SYTL2: variants seen among roughly 807,000 people sequenced by gnomAD.
SYTL2 encodes the protein synaptotagmin-like protein 2.
Under a neutral mutation model 198.7 loss-of-function variants are expected in SYTL2, and 165 were observed. The ratio of observed to expected loss-of-function variants is 0.83; its 90% CI spans 0.73 to 0.94. The LOEUF (loss-of-function observed/expected upper bound fraction) is 0.94. SYTL2 is among the 40% of genes least tolerant of loss of function. The pLI is 0.00. For missense variants in SYTL2, 2,835 were observed against 2,582.8 expected (o/e 1.10, Z -2.12); for synonymous variants, 966 against 917.7 (o/e 1.05, Z -0.95).
At chr11:85,748,509 A>G (rs1360485928) in intron 2 of SYTL2, 86 bp from the exon 3 acceptor site, 1 of 1,372,532 alleles carries the variant, frequency 7.3e-7, no homozygotes, top group Non-Finnish European at 1.0e-6. Flanking sequence ...ACATGTGTAA[A>G]CACACAGATA....
chr11:85,846,126 G>A, the SYTL2 span, among the ~76,000 whole-genome samples: 2 of 152,038 alleles, frequency 1.3e-5, no homozygotes, highest in Non-Finnish European at 2.9e-5. Context: ...TATAAGGTGG[G>A]GTCAGCTAGA....
intron 1 of SYTL2, among the ~76,000 whole-genome samples, chr11:85,763,090 T>A (rs2092143111): frequency 6.6e-6 from 1 of 152,218 alleles, no homozygotes. Flanking sequence ...TTTCACATCA[T>A]TCTGTGGTTT....
intron 9 of SYTL2, chr11:85,719,442 A>G (rs570060856): frequency 6.3e-5 from 30 of 475,062 alleles, no homozygotes; most frequent in African/African-American, 5.5e-4. Context: ...TTAAAGCTGC[A>G]CCATGGAAAT....
intron 5 of SYTL2, 120 bp from the exon 6 acceptor site, chr11:85,736,735 T>G: frequency 1.5e-6 from 1 of 646,110 alleles, no homozygotes; most frequent in Non-Finnish European, 2.7e-6. Context: ...TTATTTGGCA[T>G]GTTTGAAAAA....
intron 1 of SYTL2, among the ~76,000 whole-genome samples, chr11:85,785,924 A>G (rs2092628516): frequency 6.6e-6 from 1 of 152,214 alleles, no homozygotes; most frequent in Non-Finnish European, 1.5e-5. Context: ...AGACCTGACT[A>G]TGTTACATAA....
At chr11:85,732,703 T>G (rs2089936551) in intron 7 of SYTL2, among the ~76,000 whole-genome samples, 1 of 152,162 alleles carries the variant, frequency 6.6e-6, no homozygotes, top group South Asian at 2.1e-4. Context: ...GTAACAAACC[T>G]GCACGTTCTT....
intron 12 of SYTL2, among the ~76,000 whole-genome samples, chr11:85,713,921 T>C (rs550139594): frequency 4.6e-5 from 7 of 152,268 alleles, no homozygotes; most frequent in Non-Finnish European, 8.8e-5. Context: ...CTGTAATGTG[T>C]GGGGATAATG....
chr11:85,807,425 G>A (rs2092972585), intron 1 of SYTL2, among the ~76,000 whole-genome samples: 2 of 152,150 alleles, frequency 1.3e-5, no homozygotes, highest in Admixed American at 1.3e-4. Flanking sequence ...ATACACACAT[G>A]CATGCAATCC....
At position 85,725,696 on chromosome 11, in the gene SYTL2, G is replaced by A; in HGVS notation, c.3662C>T (p.Thr1221Ile). ...ASLDKLLKEATGTSPSPLQAK... is the reference protein window; with the variant it reads ...ASLDKLLKEAIGTSPSPLQAK... ...TTGCAAGGGAGAGGGTGAAGTTCCA[G>A]TTGCTTCCTTCAGGAGTTTGTCTAG... is the stretch of plus-strand genomic sequence containing the variant. Residue 1221 changes from threonine (T) to isoleucine (I), a missense_variant, in exon 8 of 20, where the codon ACT (threonine) becomes ATT (isoleucine). Thr to Ile is a moderately conservative substitution (Grantham distance 89). Coordinates refer to ENST00000359152, the MANE Select transcript of SYTL2 (RefSeq NM_206927.4). 6.2e-7 allele frequency: 1 copy of A among 1,614,042 alleles called. No homozygotes were observed. Among genetic ancestry groups the A allele is most frequent in the Non-Finnish European group, 8.5e-7 (1 of 1,180,006 alleles).
intron 3 of SYTL2, among the ~76,000 whole-genome samples, chr11:85,747,228 G>A (rs1481588025): frequency 6.6e-6 from 1 of 151,698 alleles, no homozygotes; most frequent in Non-Finnish European, 1.5e-5. Flanking sequence ...GGTGAGGCAG[G>A]AAGATTGCTT....
chr11:85,722,544 T>C (rs573550491), intron 8 of SYTL2, among the ~76,000 whole-genome samples: 3 of 152,250 alleles, frequency 2.0e-5, no homozygotes, highest in African/African-American at 7.2e-5. Context: ...GGGATACACA[T>C]TAGATGATAG....
intron 1 of SYTL2, among the ~76,000 whole-genome samples, chr11:85,805,550 C>T (rs185058784): frequency 6.6e-6 from 1 of 152,284 alleles, no homozygotes; most frequent in East Asian, 1.9e-4. Context: ...ATGCCCTCAG[C>T]CTCAAAGCCC....
intron 4 of SYTL2, among the ~76,000 whole-genome samples, chr11:85,740,514 C>G (rs988414246): frequency 1.3e-5 from 2 of 152,128 alleles, no homozygotes; most frequent in African/African-American, 4.8e-5. Flanking sequence ...CTTCATAAAT[C>G]GGTGCATTAT....
chr11:85,724,421 G>C lies in SYTL2; in HGVS notation c.4937C>G (p.Thr1646Ser). ...ACCACAAAAATCTACCAATAAATCA[G>C]TCACAAGTGCGTCTCCTCCCAACAT... ...DKMLGGDALV[T>S]DLLVDFCGSR... Residue 1646 changes from threonine (T) to serine (S), a missense_variant, in exon 8 of 20, where the codon ACT becomes AGT. Around this residue, in one of 3 missense-constraint regions of SYTL2, gnomAD observed 2,645 missense variants for 2,381.7 expected, o/e 1.11. Coordinates refer to ENST00000359152, the MANE Select transcript of SYTL2 (RefSeq NM_206927.4). 1.2e-6 allele frequency: 2 copies of C among 1,606,468 alleles called. No homozygotes were observed. Among genetic ancestry groups the C allele is most frequent in the East Asian group, 4.5e-5 (2 of 44,874 alleles).
chr11:85,804,822 C>A (rs755968283), intron 1 of SYTL2, among the ~76,000 whole-genome samples: 1 of 152,180 alleles, frequency 6.6e-6, no homozygotes, highest in Non-Finnish European at 1.5e-5. Context: ...AGCAGTAGAT[C>A]TATCATATTT....
intron 13 of SYTL2, among the ~76,000 whole-genome samples, chr11:85,710,431 A>C (rs2086049521): frequency 1.3e-5 from 2 of 152,230 alleles, no homozygotes; most frequent in South Asian, 4.1e-4. Context: ...ATTTAAGCAC[A>C]GTTTTATCAT....
the SYTL2 span, among the ~76,000 whole-genome samples, chr11:85,833,448 G>A: frequency 4.2e-4 from 62 of 148,012 alleles, no homozygotes; most frequent in African/African-American, 1.4e-3. Flanking sequence ...TTATATATAT[G>A]ATATGTATAT....
At chr11:85,805,335 A>C (rs995590908) in intron 1 of SYTL2, among the ~76,000 whole-genome samples, 1 of 151,992 alleles carries the variant, frequency 6.6e-6, no homozygotes, top group Non-Finnish European at 1.5e-5. Flanking sequence ...TACAAAAAAA[A>C]AAAAACAAAA....
At chr11:85,815,305 T>C (rs979049410), upstream of SYTL2, among the ~76,000 whole-genome samples, 1 of 152,238 alleles carries the variant, frequency 6.6e-6, no homozygotes, top group East Asian at 1.9e-4. Context: ...GCTAAAATGC[T>C]ATATAATTAT....
Sources: gnomAD v4.1 joint callset for allele counts (sites outside exome capture counted in the v4.1 genomes callset) on GRCh38, gnomAD v4.1.1 for gene constraint, gnomAD v4.1.1 regional missense constraint, MANE v1.5 for transcripts, NCBI Gene and HGNC (gene_info 2026-07-23, HGNC 2026-07-21) for gene names.